Variants in DLGAP2 observed in about 807,000 individuals in gnomAD.
DLGAP2 encodes the protein disks large-associated protein 2.
Under a neutral mutation model 100.3 loss-of-function variants are expected in DLGAP2, and 26 were observed. The ratio of observed to expected loss-of-function variants is 0.26; its 90% CI spans 0.19 to 0.36. The LOEUF (loss-of-function observed/expected upper bound fraction) is 0.36. DLGAP2 is among the 10% of genes least tolerant of loss of function. The pLI is 1.00. For missense variants in DLGAP2, 1,858 were observed against 1,453.2 expected (o/e 1.28, Z -4.53); for synonymous variants, 886 against 630.1 (o/e 1.41, Z -6.08).
chr8:991,722 G>C (rs1336097136), intron 2 of DLGAP2, among the ~76,000 whole-genome samples: 18 of 1,704 alleles, frequency 0.011, 1 homozygote, highest in African/African-American at 0.07. Context: ...CAGACCCCCT[G>C]CACCCCCATA....
chr8:1,470,577 T>C (rs954241877), intron 3 of DLGAP2, among the ~76,000 whole-genome samples: 1 of 152,190 alleles, frequency 6.6e-6, no homozygotes, highest in Non-Finnish European at 1.5e-5. Context: ...TATTCTCTCT[T>C]AAATATTTGA....
At chr8:1,022,751 C>T (rs1801665210) in intron 2 of DLGAP2, among the ~76,000 whole-genome samples, 1 of 151,478 alleles carries the variant, frequency 6.6e-6, no homozygotes, top group Non-Finnish European at 1.5e-5. Flanking sequence ...AACCACAATC[C>T]ACCCTCCCTG....
At chr8:1,330,091 C>A (rs1383525359) in intron 3 of DLGAP2, among the ~76,000 whole-genome samples, 1 of 152,176 alleles carries the variant, frequency 6.6e-6, no homozygotes, top group African/African-American at 2.4e-5. Flanking sequence ...CATGTGGGGT[C>A]GAGGTTTCTT....
At chr8:1,266,492 C>G (rs938069311) in intron 3 of DLGAP2, among the ~76,000 whole-genome samples, 6 of 152,180 alleles carry the variant, frequency 3.9e-5, no homozygotes, top group Non-Finnish European at 4.4e-5. Context: ...ATAACTATTA[C>G]CAAAGCATAA....
At chr8:1,577,128 G>C (rs1803011693) in intron 6 of DLGAP2, among the ~76,000 whole-genome samples, 2 of 152,162 alleles carry the variant, frequency 1.3e-5, no homozygotes, top group Non-Finnish European at 2.9e-5. Flanking sequence ...GTATCACTGA[G>C]TGAATTTCTA....
At chr8:1,346,060 T>C (rs1211425908) in intron 3 of DLGAP2, among the ~76,000 whole-genome samples, 3 of 152,228 alleles carry the variant, frequency 2.0e-5, no homozygotes, top group Non-Finnish European at 4.4e-5. Context: ...ACTGTGCTCA[T>C]GGTGGCTGAG....
chr8:1,257,692 G>T (rs1382644050), intron 2 of DLGAP2, among the ~76,000 whole-genome samples: 1 of 151,510 alleles, frequency 6.6e-6, no homozygotes, highest in Non-Finnish European at 1.5e-5. Context: ...GTGCAGGCCA[G>T]TGCTGGCGTG....
intron 3 of DLGAP2, chr8:1,381,430 A>G (rs924179883): frequency 6.6e-6 from 1 of 152,274 alleles, no homozygotes; most frequent in Non-Finnish European, 1.5e-5. Flanking sequence ...GGAGTACGAC[A>G]TGATGATTTG....
intron 2 of DLGAP2, among the ~76,000 whole-genome samples, chr8:924,949 A>G (rs11783323): frequency 0.3 from 45,894 of 152,018 alleles, 7,640 homozygotes; most frequent in Admixed American, 0.4. Flanking sequence ...ATATATTGAT[A>G]ATTATGTTGA....
intron 4 of DLGAP2, among the ~76,000 whole-genome samples, chr8:1,543,224 T>C (rs1461079136): frequency 2.6e-5 from 4 of 152,260 alleles, no homozygotes; most frequent in Non-Finnish European, 2.9e-5. Context: ...ATTTTATCTA[T>C]ATTTTTTCCT....
intron 2 of DLGAP2, among the ~76,000 whole-genome samples, chr8:1,242,601 C>G (rs933209866): frequency 1.3e-5 from 2 of 152,236 alleles, no homozygotes; most frequent in African/African-American, 2.4e-5. Context: ...GCCCTCTGCG[C>G]CACTCCTCTG....
chr8:926,349 C>A (rs913098297), intron 2 of DLGAP2, among the ~76,000 whole-genome samples: 5 of 152,196 alleles, frequency 3.3e-5, no homozygotes, highest in African/African-American at 1.2e-4. Context: ...GTGTTGGCCA[C>A]CCCCCTCACA....
rs975090886 is a variant in DLGAP2 at position 1,668,376 on chromosome 8, C to T, written c.1858C>T (p.Arg620Trp). The change falls in exon 9 of 15, where the codon CGG becomes TGG. Residue 620 changes from arginine to tryptophan, a missense_variant. Coordinates refer to ENST00000637795, the MANE Select transcript of DLGAP2 (RefSeq NM_001346810.2). ...GAAAACGCCCCCACCGGTGCCCCCT[C>T]GGACCACCTCCAAGCCTCTGATCTC... ...YKKTPPPVPP[R>W]TTSKPLISVT... 17 of 1,583,916 alleles carry T rather than the reference C, an allele frequency of 1.1e-5. No individual in the cohort carries two copies. The highest frequency in any genetic ancestry group is 1.8e-5 in the Admixed American group (1 of 55,604).
intron 4 of DLGAP2, among the ~76,000 whole-genome samples, chr8:1,523,985 G>C (rs1800705369): frequency 6.6e-6 from 1 of 152,206 alleles, no homozygotes; most frequent in South Asian, 2.1e-4. Context: ...TGGAGACTCC[G>C]CCGCAAGTCC....
chr8:1,195,282 A>T (rs758723142), intron 2 of DLGAP2, among the ~76,000 whole-genome samples: 35 of 152,326 alleles, frequency 2.3e-4, no homozygotes, highest in Admixed American at 4.6e-4. Context: ...ACCCAGTTAG[A>T]ACTGGCTTCC....
intron 3 of DLGAP2, among the ~76,000 whole-genome samples, chr8:1,384,528 G>C (rs879535692): frequency 2.5e-5 from 3 of 117,860 alleles, no homozygotes; most frequent in African/African-American, 1.0e-4. Context: ...TGAGAACTTG[G>C]TGCACAGTTA....
rs1226810622 is a variant in DLGAP2, at chr8:1,683,899, T to C, written c.2704+5270T>C. 6.5e-5 allele frequency among the ~76,000 whole-genome samples: 7 copies of C among 107,736 alleles called. 1 individual carries two copies. The highest frequency in any genetic ancestry group is 2.2e-4 in the African/African-American group (6 of 26,994). The allele number at this position is 107,736 out of a possible 152,430, so 70.7% of individuals were successfully genotyped here. ...GTGTGTGTGTGTGTGTGTGTGTGTATACACATATATGTGTATATATATATG... is the reference window on the plus strand; with the variant it reads ...GTGTGTGTGTGTGTGTGTGTGTGTACACACATATATGTGTATATATATATG... On this transcript the variant is annotated intron_variant, in intron 12 of 14. Transcript: ENST00000637795.
At chr8:794,191 G>A (rs1795979128) in intron 1 of DLGAP2, among the ~76,000 whole-genome samples, 1 of 151,982 alleles carries the variant, frequency 6.6e-6, no homozygotes, top group Admixed American at 6.6e-5. Context: ...TTGCTGGCCT[G>A]TGGGTGGGGC....
At chr8:1,195,840 C>G (rs920238244) in intron 2 of DLGAP2, among the ~76,000 whole-genome samples, 5 of 152,192 alleles carry the variant, frequency 3.3e-5, no homozygotes, top group African/African-American at 7.2e-5. Flanking sequence ...GCGGTAGATA[C>G]GTTCTGCGAA....
Sources: allele counts gnomAD v4.1 joint callset (sites outside exome capture counted in the v4.1 genomes callset), GRCh38; gene constraint gnomAD v4.1.1; transcripts MANE v1.5; gene names NCBI Gene and HGNC (gene_info 2026-07-23, HGNC 2026-07-21).